Variants in STPG2 observed in about 807,000 individuals in gnomAD.
STPG2 encodes the protein sperm-tail PG-rich repeat-containing protein 2.
In STPG2, 56 loss-of-function variants were observed where a neutral mutation model predicts 54.2. That is an observed-to-expected ratio of 1.03 (90% CI 0.83 to 1.29). STPG2 has a LOEUF of 1.29. Ranked by LOEUF, STPG2 falls within the 50% of genes most tolerant of loss-of-function variation. The probability of loss-of-function intolerance (pLI) is 0.00; values close to 1 mark genes in which losing one functional copy is unlikely to be tolerated. For missense variants in STPG2, 596 were observed against 544.9 expected (o/e 1.09, Z -0.93); for synonymous variants, 200 against 181.8 (o/e 1.10, Z -0.81).
intron 5 of STPG2, among the ~76,000 whole-genome samples, chr4:98,030,079 G>C (rs1560645199): frequency 6.6e-6 from 1 of 152,100 alleles, no homozygotes; most frequent in African/African-American, 2.4e-5. Context: ...AATTTCATGG[G>C]GTTAATCTTC....
chr4:97,956,354 A>G (rs1002842621), intron 7 of STPG2, among the ~76,000 whole-genome samples: 14 of 152,184 alleles, frequency 9.2e-5, no homozygotes, highest in Non-Finnish European at 1.5e-4. Context: ...ATTTGATTAT[A>G]ATATTTGATT....
chr4:98,058,892 A>C (rs1295335664), intron 5 of STPG2, among the ~76,000 whole-genome samples: 1 of 152,072 alleles, frequency 6.6e-6, no homozygotes, highest in African/African-American at 2.4e-5. Context: ...CAGAAAGTTT[A>C]TTAAGATCTC....
chr4:97,822,897 A>G (rs1178149331), intron 9 of STPG2, among the ~76,000 whole-genome samples: 1 of 152,216 alleles, frequency 6.6e-6, no homozygotes, highest in Admixed American at 6.5e-5. Flanking sequence ...TCTAAATTAA[A>G]TAACAAACCA....
At chr4:98,097,010 G>A (rs1015709364) in intron 5 of STPG2, among the ~76,000 whole-genome samples, 4 of 152,202 alleles carry the variant, frequency 2.6e-5, no homozygotes, top group African/African-American at 7.2e-5. Context: ...AGCCTGGGAC[G>A]TGATGGCTTC....
At chr4:97,531,396 A>G (rs1051761415) in intron 4 of STPG2, among the ~76,000 whole-genome samples, 4 of 152,230 alleles carry the variant, frequency 2.6e-5, no homozygotes, top group East Asian at 1.9e-4. Flanking sequence ...CTGAAGAGAT[A>G]TATCTGCTTT....
chr4:97,998,060 GA>G (rs1429384398), intron 5 of STPG2, among the ~76,000 whole-genome samples: 1 of 152,182 alleles, frequency 6.6e-6, no homozygotes, highest in African/African-American at 2.4e-5. Flanking sequence ...TCTTTGACTA[GA>G]AAATAGTTCG....
intron 7 of STPG2, among the ~76,000 whole-genome samples, chr4:97,968,025 G>T (rs1264287662): frequency 2.0e-5 from 3 of 152,052 alleles, no homozygotes; most frequent in African/African-American, 7.2e-5. Context: ...AGAACTGAAG[G>T]AGAGAGAGAA....
At chr4:97,528,214 A>C (rs921396972) in intron 4 of STPG2, among the ~76,000 whole-genome samples, 1 of 152,184 alleles carries the variant, frequency 6.6e-6, no homozygotes, top group East Asian at 1.9e-4. Flanking sequence ...AGTTTTTTGC[A>C]TATGGCTAGC....
intron 5 of STPG2, among the ~76,000 whole-genome samples, chr4:98,014,904 C>G (rs948600653): frequency 2.4e-4 from 36 of 151,900 alleles, no homozygotes; most frequent in African/African-American, 8.7e-4. Context: ...CATTTTTTTT[C>G]TTTCAGCATT....
At chr4:97,539,075 C>T (rs1297903420) in intron 4 of STPG2, among the ~76,000 whole-genome samples, 1 of 152,260 alleles carries the variant, frequency 6.6e-6, no homozygotes. Flanking sequence ...CTGGTACCAG[C>T]CACTGCAAAA....
At chr4:97,445,254 A>G (rs1242154455) in intron 4 of STPG2, among the ~76,000 whole-genome samples, 1 of 152,196 alleles carries the variant, frequency 6.6e-6, no homozygotes, top group Admixed American at 6.5e-5. Context: ...ATAACAAGAT[A>G]TATAATAGAA....
chr4:97,721,965 C>T (rs1724463282), intron 9 of STPG2, among the ~76,000 whole-genome samples: 1 of 151,582 alleles, frequency 6.6e-6, no homozygotes, highest in Non-Finnish European at 1.5e-5. Context: ...TGAAATATAT[C>T]AATAAAAACA....
intron 9 of STPG2, among the ~76,000 whole-genome samples, chr4:97,833,763 T>A (rs536867685): frequency 1.3e-5 from 2 of 151,968 alleles, no homozygotes; most frequent in Admixed American, 1.3e-4. Flanking sequence ...ACAAAAAACC[T>A]CGTCATCACT....
intron 10 of STPG2, among the ~76,000 whole-genome samples, chr4:97,563,404 A>G (rs1256158222): frequency 3.3e-5 from 5 of 151,990 alleles, no homozygotes; most frequent in Non-Finnish European, 7.4e-5. Context: ...TGGATTCATT[A>G]CTTTTTTGAA....
intron 8 of STPG2, among the ~76,000 whole-genome samples, chr4:97,904,933 C>T (rs1423649723): frequency 6.6e-6 from 1 of 152,040 alleles, no homozygotes; most frequent in African/African-American, 2.4e-5. Flanking sequence ...ACGAGCAAAG[C>T]CTCCAAGAAA....
rs138756595 is a variant in STPG2, at chr4:97,592,129, A to C, written c.1321-33012T>G. 2.0e-3 allele frequency among the ~76,000 whole-genome samples: 305 copies of C among 152,330 alleles called. 1 individual carries two copies. Among genetic ancestry groups the C allele is most frequent in the African/African-American group, 7.0e-3 (291 of 41,594 alleles). ...GCAATAGAAAAATCGCCATCTTAAT[A>C]AATATAATTAACACTTAAATAATAA... On this transcript the variant is annotated intron_variant, in intron 10 of 10. Transcript: ENST00000295268.
At position 97,675,912 on chromosome 4, in the gene STPG2, G is replaced by GTA. The variant is rs1304137586; in HGVS notation, c.1320+36785_1320+36786dup. 4.8e-5 allele frequency among the ~76,000 whole-genome samples: 7 copies of GTA among 144,442 alleles called. No individual in the cohort carries two copies. The East Asian group carries it at 1.0e-3, about 21-fold the overall frequency. The allele number at this position is 144,442 out of a possible 152,430, so 94.8% of individuals were successfully genotyped here. On this transcript the variant is annotated intron_variant, in intron 10 of 10. Transcript: ENST00000295268. ...AGGTATATATACATATATATATAGT[G>GTA]TATATATATACATATATGTATATGC... is the stretch of plus-strand genomic sequence containing the variant.
intron 8 of STPG2, among the ~76,000 whole-genome samples, chr4:97,891,496 A>T (rs1730768289): frequency 2.0e-5 from 3 of 152,126 alleles, no homozygotes; most frequent in Non-Finnish European, 2.9e-5. Context: ...AACTAAAAAA[A>T]AATGATATAT....
chr4:97,719,749 G>GA (rs1393512077), intron 9 of STPG2, among the ~76,000 whole-genome samples: 1 of 151,854 alleles, frequency 6.6e-6, no homozygotes, highest in Non-Finnish European at 1.5e-5. Context: ...CAATTTATAA[G>GA]CTACCTAGAA....
Sources: allele counts gnomAD v4.1 joint callset (sites outside exome capture counted in the v4.1 genomes callset), GRCh38; gene constraint gnomAD v4.1.1; transcripts MANE v1.5; gene names NCBI Gene and HGNC (gene_info 2026-07-23, HGNC 2026-07-21).